Variants in RNF175 observed in about 807,000 individuals in gnomAD.
RNF175 encodes ring finger protein 175.
Under a neutral mutation model 50.0 loss-of-function variants are expected in RNF175, and 38 were observed. The observed-to-expected ratio is 0.76, with a 90% CI of 0.59 to 1.00. The LOEUF (loss-of-function observed/expected upper bound fraction) is 1.00. RNF175 is among the 50% of genes least tolerant of loss of function. RNF175 has a pLI of 0.00. For missense variants in RNF175, 388 were observed against 409.6 expected (o/e 0.95, Z 0.46); for synonymous variants, 155 against 146.1 (o/e 1.06, Z -0.44).
chr4:153,747,614 C>T (rs10030266), intron 3 of RNF175, among the ~76,000 whole-genome samples: 5,023 of 152,276 alleles, frequency 0.033, 202 homozygotes, highest in Middle Eastern at 0.1. Flanking sequence ...TAAGTGATCG[C>T]TAAAAAGTTT....
chr4:153,725,082 G>GGGCAGGGGTGAGCTGCGTGGGGGAGCA (rs1560776825), intron 4 of RNF175, among the ~76,000 whole-genome samples: 26 of 117,712 alleles, frequency 2.2e-4, no homozygotes, highest in African/African-American at 5.4e-4. Context: ...GTGGGGGAGC[G>GGGCAGGGGTGAGCTGCGTGGGGGAGCA]GGCAGGGGTG....
chr4:153,716,555 C>CT (rs903570349), intron 6 of RNF175, among the ~76,000 whole-genome samples: 31 of 148,714 alleles, frequency 2.1e-4, no homozygotes, highest in East Asian at 1.4e-3. Flanking sequence ...CCCTAGGAAG[C>CT]TTTTTTTTTT....
At chr4:153,726,100 T>C (rs2127117622) in intron 4 of RNF175, among the ~76,000 whole-genome samples, 1 of 148,786 alleles carries the variant, frequency 6.7e-6, no homozygotes, top group Admixed American at 6.7e-5. Flanking sequence ...TGTGTGTGTT[T>C]TGTTTTTGTT....
intron 2 of RNF175, among the ~76,000 whole-genome samples, chr4:153,749,803 A>T (rs1191699526): frequency 6.6e-6 from 1 of 152,134 alleles, no homozygotes; most frequent in Admixed American, 6.5e-5. Flanking sequence ...CCCTCTCAAA[A>T]TTCATACACT....
chr4:153,711,899 C>A (rs565889886), intron 8 of RNF175, among the ~76,000 whole-genome samples: 1 of 152,078 alleles, frequency 6.6e-6, no homozygotes, highest in Non-Finnish European at 1.5e-5. Flanking sequence ...CTCTGTAAAT[C>A]TTTATTTATT....
intron 2 of RNF175, among the ~76,000 whole-genome samples, chr4:153,750,316 T>A (rs11099901): frequency 0.16 from 24,069 of 151,982 alleles, 2,517 homozygotes; most frequent in East Asian, 0.37. Context: ...GGTATGTGGG[T>A]TGGGTTCTCT....
At chr4:153,757,977 A>T (rs1740642695) in intron 1 of RNF175, among the ~76,000 whole-genome samples, 1 of 152,114 alleles carries the variant, frequency 6.6e-6, no homozygotes, top group African/African-American at 2.4e-5. Flanking sequence ...GTTTGCTGAG[A>T]CTGTTCTAGG....
At position 153,718,250 on chromosome 4, in the gene RNF175, TTTG is replaced by T. The variant is rs1178737084; in HGVS notation, c.630+1931_630+1933del. Among the ~76,000 whole-genome samples, 13 of 132,028 alleles carry T rather than the reference TTTG, an allele frequency of 9.8e-5. 2 individuals carry two copies. Among genetic ancestry groups the T allele is most frequent in the Admixed American group, 9.3e-4 (12 of 12,840 alleles). The allele number at this position is 132,028 out of a possible 152,430, so 86.6% of individuals were successfully genotyped here. A position where few individuals can be genotyped will look rare whatever the true frequency, so the allele number is the denominator to read the frequency against. On this transcript the variant is annotated intron_variant, in intron 6 of 8. Transcript: ENST00000347063. ...TGTTTGTTTGTTTGTTTTTTTTTTTTTTGAAGCAGATGCACTGGATCTACTCCC... is the reference window on the plus strand; with the variant it reads ...TGTTTGTTTGTTTGTTTTTTTTTTTTAAGCAGATGCACTGGATCTACTCCC...
chr4:153,723,185 C>G (rs916030767), intron 5 of RNF175, 166 bp downstream of exon 5: 1 of 421,734 alleles, frequency 2.4e-6, no homozygotes, highest in Non-Finnish European at 4.3e-6. Flanking sequence ...TCTTTCTTCC[C>G]TTTCTATTGG....
intron 1 of RNF175, among the ~76,000 whole-genome samples, chr4:153,758,758 C>G (rs1740676381): frequency 6.6e-6 from 1 of 151,848 alleles, no homozygotes; most frequent in Non-Finnish European, 1.5e-5. Flanking sequence ...TGTCCCATGG[C>G]CATCCATCCC....
At chr4:153,739,636 T>C (rs1739541925) in intron 3 of RNF175, among the ~76,000 whole-genome samples, 1 of 152,208 alleles carries the variant, frequency 6.6e-6, no homozygotes, top group Admixed American at 6.5e-5. Flanking sequence ...TATTTCTCTT[T>C]CACTTTGAAG....
chr4:153,744,157 C>T (rs547902170), intron 3 of RNF175, among the ~76,000 whole-genome samples: 2 of 152,318 alleles, frequency 1.3e-5, no homozygotes, highest in South Asian at 4.1e-4. Context: ...CGCAGTGGCT[C>T]ATACCTGTAA....
intron 3 of RNF175, among the ~76,000 whole-genome samples, chr4:153,733,673 G>A (rs532982251): frequency 6.6e-6 from 1 of 152,174 alleles, no homozygotes; most frequent in Admixed American, 6.5e-5. Context: ...AATGCAGTTA[G>A]ATCCCCTTGC....
intron 8 of RNF175, 29 bp downstream of exon 8, chr4:153,712,446 T>C (rs761708000): frequency 8.1e-7 from 1 of 1,238,118 alleles, no homozygotes; most frequent in South Asian, 1.3e-5. Context: ...CAAGATAATC[T>C]CTTATAACCT....
chr4:153,753,661 G>A (rs1256939401), intron 1 of RNF175, among the ~76,000 whole-genome samples: 3 of 151,410 alleles, frequency 2.0e-5, no homozygotes, highest in South Asian at 2.1e-4. Context: ...GGGTTCAAGC[G>A]ATTCTCCTGC....
chr4:153,723,654 C>T (rs1254981015), intron 4 of RNF175, among the ~76,000 whole-genome samples, 196 bp from the exon 5 acceptor site: 1 of 152,114 alleles, frequency 6.6e-6, no homozygotes, highest in African/African-American at 2.4e-5. Flanking sequence ...CTATCATGCT[C>T]ATGTGTTTCT....
chr4:153,754,765 G>A (rs555414767), intron 1 of RNF175, among the ~76,000 whole-genome samples: 15 of 152,238 alleles, frequency 9.9e-5, no homozygotes, highest in East Asian at 3.9e-4. Context: ...GTAGATGGCC[G>A]TGTGAAGACA....
chr4:153,750,996 A>C (rs1740265473), intron 2 of RNF175, among the ~76,000 whole-genome samples: 1 of 152,238 alleles, frequency 6.6e-6, no homozygotes, highest in Non-Finnish European at 1.5e-5. Context: ...CAAATGTAGT[A>C]AGTATTTTCC....
At chr4:153,733,432 C>A (rs1208438869) in intron 3 of RNF175, among the ~76,000 whole-genome samples, 1 of 152,172 alleles carries the variant, frequency 6.6e-6, no homozygotes, top group Non-Finnish European at 1.5e-5. Context: ...TAACCTGGCT[C>A]CCACTAGCTG....
Sources: gnomAD v4.1 joint callset for allele counts (sites outside exome capture counted in the v4.1 genomes callset) on GRCh38, gnomAD v4.1.1 for gene constraint, MANE v1.5 for transcripts, NCBI Gene and HGNC (gene_info 2026-07-23, HGNC 2026-07-21) for gene names.